Variants in SLC1A2 observed in about 807,000 individuals in gnomAD.
The protein encoded by SLC1A2 is excitatory amino acid transporter 2.
A neutral mutation model predicts 48.8 loss-of-function variants in SLC1A2; 15 were observed. That is an observed-to-expected ratio of 0.31 (90% CI 0.21 to 0.47). The LOEUF is 0.47. Ranked by LOEUF, SLC1A2 falls within the 20% of genes least tolerant of loss-of-function variation. The probability of loss-of-function intolerance (pLI) is 0.99; values close to 1 mark genes in which losing one functional copy is unlikely to be tolerated. For synonymous variants in SLC1A2, 279 were observed against 272.6 expected (o/e 1.02, Z -0.23); for missense variants, 502 against 730.5 (o/e 0.69, Z 3.61).
At chr11:35,293,256 G>T (rs987530489) in intron 6 of SLC1A2, among the ~76,000 whole-genome samples, 2 of 152,108 alleles carry the variant, frequency 1.3e-5, no homozygotes, top group Admixed American at 6.6e-5. Context: ...TAAATAATCA[G>T]CCCAAGACCA....
At chr11:35,374,223 T>A (rs1854148509) in intron 1 of SLC1A2, 1 of 628,806 alleles carries the variant, frequency 1.6e-6, no homozygotes, top group African/African-American at 1.9e-5. Flanking sequence ...TGGCTTTGAA[T>A]GATTTATAGC....
intron 1 of SLC1A2, among the ~76,000 whole-genome samples, chr11:35,320,526 A>T (rs1852021348): frequency 6.6e-6 from 1 of 152,228 alleles, no homozygotes; most frequent in East Asian, 1.9e-4. Context: ...CTCTTGAAGG[A>T]TGGATTTAAT....
intron 10 of SLC1A2, among the ~76,000 whole-genome samples, chr11:35,262,827 A>G (rs1950413696): frequency 6.6e-6 from 1 of 152,252 alleles, no homozygotes; most frequent in Admixed American, 6.5e-5. Context: ...AGCTATTTTC[A>G]TCATCTTCAA....
intron 9 of SLC1A2, among the ~76,000 whole-genome samples, chr11:35,270,552 CCTT>C (rs1439908077): frequency 6.6e-6 from 1 of 152,172 alleles, no homozygotes; most frequent in Admixed American, 6.5e-5. Context: ...CAGCAAAAAT[CCTT>C]CTTAAACTCC....
intron 5 of SLC1A2, among the ~76,000 whole-genome samples, chr11:35,305,606 A>C (rs757307121): frequency 1.4e-4 from 21 of 152,174 alleles, no homozygotes; most frequent in Non-Finnish European, 2.5e-4. Context: ...CTCCCTTGGT[A>C]CCTACTCCAA....
At chr11:35,348,061 GC>G (rs1853104322) in intron 1 of SLC1A2, among the ~76,000 whole-genome samples, 1 of 152,188 alleles carries the variant, frequency 6.6e-6, no homozygotes, top group African/African-American at 2.4e-5. Context: ...TTGAATTCAG[GC>G]CTTTCTTATT....
At chr11:35,399,462 A>G (rs1300019390) in intron 1 of SLC1A2, 4 of 177,674 alleles carry the variant, frequency 2.3e-5, no homozygotes, top group Non-Finnish European at 4.4e-5. Context: ...ATGAAGAACC[A>G]TCATAGAATG....
Position 35,317,380 on chromosome 11 carries a change from A to G in SLC1A2, c.154T>C (p.Phe52Leu), listed in dbSNP as rs778351553. 1.2e-6 allele frequency: 2 copies of G among 1,613,994 alleles called. No individual in the cohort carries two copies. The highest frequency in any genetic ancestry group is 1.7e-5 in the Admixed American group (1 of 60,018). ...GKNLLLTLTV[F>L]GVILGAVCGG... ...GTGGGGTAGTGCAGGTACCTACCAA[A>G]CACCGTCAGGGTGAGCAGCAGATTC... Residue 52 changes from phenylalanine to leucine, a missense_variant, in exon 2 of 11, where the codon TTT (phenylalanine) becomes CTT (leucine). By Grantham distance (22) the Phe-to-Leu change is conservative. Coordinates refer to ENST00000278379, the MANE Select transcript of SLC1A2 (RefSeq NM_004171.4).
At chr11:35,407,836 T>C (rs1046833293) in intron 1 of SLC1A2, among the ~76,000 whole-genome samples, 1 of 152,244 alleles carries the variant, frequency 6.6e-6, no homozygotes, top group East Asian at 1.9e-4. Flanking sequence ...CTTCAGATAC[T>C]AGAGCTTCCC....
intron 4 of SLC1A2, among the ~76,000 whole-genome samples, chr11:35,308,574 A>G (rs910325705): frequency 6.6e-6 from 1 of 152,194 alleles, no homozygotes; most frequent in Non-Finnish European, 1.5e-5. Flanking sequence ...GCATCATTAT[A>G]TGGAGGAAGG....
At chr11:35,287,019 T>C in intron 7 of SLC1A2, 68 bp from the exon 8 acceptor site, 1 of 1,231,850 alleles carries the variant, frequency 8.1e-7, no homozygotes, top group Non-Finnish European at 1.2e-6. Context: ...ATGCATAAAC[T>C]GGAATGCCAC....
intron 1 of SLC1A2, among the ~76,000 whole-genome samples, chr11:35,355,742 G>A (rs1853432443): frequency 6.6e-6 from 1 of 152,080 alleles, no homozygotes; most frequent in African/African-American, 2.4e-5. Flanking sequence ...AAAATTAGCT[G>A]GGCATAGTGG....
At chr11:35,313,670 C>G (rs1220931152) in intron 3 of SLC1A2, among the ~76,000 whole-genome samples, 1 of 152,158 alleles carries the variant, frequency 6.6e-6, no homozygotes, top group Non-Finnish European at 1.5e-5. Context: ...GTTTCCCCAC[C>G]AAGTTGGCCA....
intron 1 of SLC1A2, among the ~76,000 whole-genome samples, chr11:35,395,120 T>G (rs1471433340): frequency 6.6e-6 from 1 of 151,894 alleles, no homozygotes; most frequent in Non-Finnish European, 1.5e-5. Context: ...GGGAGGGCAG[T>G]GGGGATCCAC....
At chr11:35,296,343 G>A (rs959542289) in intron 6 of SLC1A2, among the ~76,000 whole-genome samples, 3 of 152,186 alleles carry the variant, frequency 2.0e-5, no homozygotes, top group African/African-American at 7.2e-5. Flanking sequence ...GTTGCTGAAA[G>A]GTGCTGTCTG....
chr11:35,367,498 G>A (rs1182043829), intron 1 of SLC1A2, among the ~76,000 whole-genome samples: 12 of 152,134 alleles, frequency 7.9e-5, no homozygotes, highest in South Asian at 4.1e-4. Context: ...CCATTTTCCC[G>A]AACCCCTGCT....
intron 1 of SLC1A2, among the ~76,000 whole-genome samples, chr11:35,334,303 G>A (rs772419834): frequency 7.9e-5 from 12 of 152,156 alleles, no homozygotes; most frequent in Non-Finnish European, 1.5e-4. Flanking sequence ...CTCTCATTAA[G>A]TTAGCAGCCC....
Position 35,310,345 on chromosome 11 carries a change from C to T in SLC1A2, c.561+1853G>A, listed in dbSNP as rs553038186. Among the ~76,000 whole-genome samples, 8 of 152,314 alleles carry T rather than the reference C, an allele frequency of 5.3e-5. No individual in the cohort carries two copies. The South Asian group carries it at 1.7e-3, about 32-fold the overall frequency. On this transcript the variant is annotated intron_variant, in intron 4 of 10. Transcript: ENST00000278379. ...TCGTGTCTCTCACACTAAAGCAAGT[C>T]AGTTCATCTTTCTGAGCAGGCTGGC... is the stretch of plus-strand genomic sequence containing the variant.
chr11:35,300,201 C>A (rs574034993), intron 6 of SLC1A2, among the ~76,000 whole-genome samples: 1 of 152,208 alleles, frequency 6.6e-6, no homozygotes, highest in Non-Finnish European at 1.5e-5. Context: ...CCTGCTTATG[C>A]ATCAAGGGTT....
Sources: allele counts gnomAD v4.1 joint callset (sites outside exome capture counted in the v4.1 genomes callset), GRCh38; gene constraint gnomAD v4.1.1; transcripts MANE v1.5; gene names NCBI Gene and HGNC (gene_info 2026-07-23, HGNC 2026-07-21).